The following CD9 variants were observed in gnomAD, a reference collection of about 807,000 sequenced individuals.
CD9 encodes the protein CD9 antigen.
A neutral mutation model predicts 31.4 loss-of-function variants in CD9; 10 were observed. That is an observed-to-expected ratio of 0.32 (90% CI 0.20 to 0.54). CD9 has a LOEUF of 0.54. CD9 is among the 20% of genes least tolerant of loss of function. CD9 has a pLI of 0.94. For synonymous variants in CD9, 113 were observed against 114.1 expected, an observed-to-expected ratio of 0.99 and a Z score of 0.06; for missense variants, 259 against 300.1, an observed-to-expected ratio of 0.86 and a Z score of 1.01.
intron 2 of CD9, among the ~76,000 whole-genome samples, chr12:6,231,966 CA>C (rs542241231): frequency 8.5e-4 from 130 of 152,272 alleles, no homozygotes; most frequent in African/African-American, 3.1e-3. Flanking sequence ...GTGTTAGGGC[CA>C]AAAGAAGGGT....
chr12:6,200,587 G>A (rs201633302), intron 1 of CD9, 22 bp downstream of exon 1: 20 of 1,577,634 alleles, frequency 1.3e-5, no homozygotes, highest in Non-Finnish European at 1.7e-5. Context: ...CGACTGCCGC[G>A]CGCTCCTCTC....
chr12:6,227,993 G>A (rs1040084215), intron 2 of CD9, among the ~76,000 whole-genome samples: 2 of 152,196 alleles, frequency 1.3e-5, no homozygotes, highest in East Asian at 3.8e-4. Flanking sequence ...GCAGGTCATT[G>A]CAGGGCCCTG....
rs764778802 is a variant in CD9 at position 6,233,450 on chromosome 12, A to G, written c.312A>G (p.Ile104Met). 6.2e-7 allele frequency: 1 copy of G among 1,614,086 alleles called. No homozygotes were observed. Among genetic ancestry groups the G allele is most frequent in the Non-Finnish European group, 8.5e-7 (1 of 1,179,984 alleles). The change falls in exon 4 of 8, where the codon ATA becomes ATG. Residue 104 changes from isoleucine (I) to methionine (M), a missense_variant. Coordinates refer to ENST00000009180, the MANE Select transcript of CD9 (RefSeq NM_001769.4). The stretch of plus-strand genomic sequence containing the variant: ...TCTTGGTGATATTCGCCATTGAAAT[A>G]GCTGCGGCCATCTGGGGATATTCCC... ...GFLLVIFAIE[I>M]AAAIWGYSHK...
intron 1 of CD9, among the ~76,000 whole-genome samples, chr12:6,210,254 C>T (rs1285556328): frequency 2.0e-5 from 3 of 151,938 alleles, no homozygotes; most frequent in East Asian, 1.9e-4. Flanking sequence ...GGCCACTGAA[C>T]GGGCTGCGGT....
chr12:6,225,662 G>C (rs992979305), intron 2 of CD9, 128 bp downstream of exon 2: 1 of 619,390 alleles, frequency 1.6e-6, no homozygotes, highest in Non-Finnish European at 2.9e-6. Flanking sequence ...ACGCTGGCCA[G>C]TCGTGTCCCT....
intron 1 of CD9, among the ~76,000 whole-genome samples, chr12:6,215,382 C>T (rs1030115658): frequency 5.0e-4 from 76 of 152,218 alleles, no homozygotes; most frequent in African/African-American, 1.8e-3. Context: ...TAAACTTGAG[C>T]GTGATGAGAG....
intron 6 of CD9, chr12:6,235,855 CTT>C: frequency 1.5e-6 from 2 of 1,368,522 alleles, no homozygotes; most frequent in Non-Finnish European, 1.9e-6. Context: ...CCCACTCTGA[CTT>C]TGTCAGTGGC....
At chr12:6,223,417 A>G (rs967022420) in intron 1 of CD9, among the ~76,000 whole-genome samples, 1 of 151,864 alleles carries the variant, frequency 6.6e-6, no homozygotes, top group East Asian at 1.9e-4. Context: ...GCCCGCCACC[A>G]CGCCTGGAGA....
chr12:6,202,463 C>A, intron 1 of CD9, among the ~76,000 whole-genome samples: 1 of 152,366 alleles, frequency 6.6e-6, no homozygotes, highest in East Asian at 1.9e-4. Context: ...CAGTCTCTCC[C>A]GGCTGGTGTG....
chr12:6,210,869 G>A (rs904014927), intron 1 of CD9, among the ~76,000 whole-genome samples: 2 of 139,986 alleles, frequency 1.4e-5, no homozygotes, highest in Non-Finnish European at 3.0e-5. Flanking sequence ...AAGGAGTCTC[G>A]CTCTGTTGCC....
intron 2 of CD9, among the ~76,000 whole-genome samples, chr12:6,228,485 G>A (rs545790761): frequency 7.0e-6 from 1 of 143,870 alleles, no homozygotes; most frequent in East Asian, 2.1e-4. Context: ...CTGGGAGGCA[G>A]AGGTTGCAGA....
At chr12:6,237,742 A>G in intron 7 of CD9, 21 bp from the exon 8 acceptor site, 1 of 1,597,672 alleles carries the variant, frequency 6.3e-7, no homozygotes, top group Non-Finnish European at 8.6e-7. Context: ...CCTGATCCTC[A>G]TGTTTCTTCC....
In CD9 at chr12:6,223,984, G is replaced by C. The variant is rs533864933; in HGVS notation, c.67-1442G>C. On this transcript the variant is annotated intron_variant, in intron 1 of 7. Transcript: ENST00000009180. ...GTGCCTGTGTGAGTTTTTCTCCTCTGCCTTGTCCAGCCGCGGGGCATGTGG... is the reference window on the plus strand; with the variant it reads ...GTGCCTGTGTGAGTTTTTCTCCTCTCCCTTGTCCAGCCGCGGGGCATGTGG... 3.9e-5 allele frequency among the ~76,000 whole-genome samples: 6 copies of C among 152,292 alleles called. No homozygotes were observed. The South Asian group carries it at 1.2e-3, about 32-fold the overall frequency.
At chr12:6,210,247 C>T (rs1358027509) in intron 1 of CD9, among the ~76,000 whole-genome samples, 3 of 152,186 alleles carry the variant, frequency 2.0e-5, no homozygotes, top group Admixed American at 1.3e-4. Flanking sequence ...GGACCATGGC[C>T]ACTGAACGGG....
intron 2 of CD9, among the ~76,000 whole-genome samples, chr12:6,228,193 G>A (rs553048592): frequency 1.2e-4 from 19 of 152,332 alleles, no homozygotes; most frequent in Admixed American, 6.5e-4. Flanking sequence ...CGTTCTGCCT[G>A]CAGAAGCGCC....
intron 3 of CD9, chr12:6,233,164 G>A: frequency 1.5e-6 from 1 of 667,230 alleles, no homozygotes. Flanking sequence ...GTAAATGCTA[G>A]TTCTGGGCTC....
intron 2 of CD9, among the ~76,000 whole-genome samples, chr12:6,227,044 C>T (rs1946376811): frequency 6.6e-6 from 1 of 152,190 alleles, no homozygotes. Flanking sequence ...ACTCAGTCCT[C>T]CCTTGTCCTG....
Position 6,236,264 on chromosome 12 carries a change from G to C in CD9, c.610G>C (p.Ala204Pro), listed in dbSNP as rs1242074067. ...HIIGAVGIGI[A>P]VVMIFGMIFS... ...CATCGGCGCAGTGGGCATCGGCATTGCCGTGGTCATGGTGAGTGGCAGGAC... is the reference window on the plus strand; with the variant it reads ...CATCGGCGCAGTGGGCATCGGCATTCCCGTGGTCATGGTGAGTGGCAGGAC... The change falls in exon 7 of 8, where the codon GCC becomes CCC. Residue 204 changes from alanine to proline, a missense_variant. Ala to Pro is a conservative substitution (Grantham distance 27). Transcript: ENST00000009180. 1 of 1,614,166 alleles carries C rather than the reference G, an allele frequency of 6.2e-7. No homozygotes were observed. The highest frequency in any genetic ancestry group is 8.5e-7 in the Non-Finnish European group (1 of 1,180,002).
intron 1 of CD9, among the ~76,000 whole-genome samples, chr12:6,208,986 T>G (rs1946163207): frequency 6.6e-6 from 1 of 152,090 alleles, no homozygotes; most frequent in Admixed American, 6.5e-5. Flanking sequence ...TTGTTTGTTT[T>G]GAGACAGAGT....
Sources: gnomAD v4.1 joint callset for allele counts (sites outside exome capture counted in the v4.1 genomes callset) on GRCh38, gnomAD v4.1.1 for gene constraint, MANE v1.5 for transcripts, NCBI Gene and HGNC (gene_info 2026-07-23, HGNC 2026-07-21) for gene names.